The following SVIL variants were observed in gnomAD, a reference collection of about 807,000 sequenced individuals.
The protein encoded by SVIL is supervillin.
In SVIL, 101 loss-of-function variants were observed where a neutral mutation model predicts 240.4. That is an observed-to-expected ratio of 0.42 (90% CI 0.36 to 0.50). The LOEUF (loss-of-function observed/expected upper bound fraction) is 0.50, where lower values mean the gene tolerates loss of function less well. Ranked by LOEUF, SVIL falls within the 20% of genes least tolerant of loss-of-function variation. The pLI is 0.01. For synonymous variants in SVIL, 999 were observed against 1,100.0 expected (o/e 0.91, Z 1.82); for missense variants, 2,512 against 2,818.7 (o/e 0.89, Z 2.46).
intron 31 of SVIL, 41 bp downstream of exon 31, chr10:29,471,097 G>C (rs1341899267): frequency 6.4e-7 from 1 of 1,559,690 alleles, no homozygotes; most frequent in Non-Finnish European, 8.8e-7. Flanking sequence ...TTCCAAGAGA[G>C]GGAAAGGCAA....
chr10:29,691,643 A>G (rs1961518074), intron 1 of SVIL, among the ~76,000 whole-genome samples: 1 of 152,232 alleles, frequency 6.6e-6, no homozygotes, highest in Non-Finnish European at 1.5e-5. Flanking sequence ...TTTTTGACTC[A>G]GTCTTTCTGC....
At chr10:29,583,786 T>C (rs1956047063) in intron 1 of SVIL, among the ~76,000 whole-genome samples, 2 of 152,216 alleles carry the variant, frequency 1.3e-5, no homozygotes, top group African/African-American at 4.8e-5. Context: ...TGCAGGTGCC[T>C]TGGGGAGGTC....
At chr10:29,605,716 A>T (rs1175822144) in intron 1 of SVIL, among the ~76,000 whole-genome samples, 7 of 144,994 alleles carry the variant, frequency 4.8e-5, no homozygotes, top group African/African-American at 1.5e-4. Context: ...TATATATTCA[A>T]ATATATATAT....
At chr10:29,574,021 A>G (rs1369096437) in intron 1 of SVIL, among the ~76,000 whole-genome samples, 1 of 152,118 alleles carries the variant, frequency 6.6e-6, no homozygotes, top group Non-Finnish European at 1.5e-5. Flanking sequence ...TTTCAGGGAG[A>G]AGACGTTTTA....
At chr10:29,521,749 T>TTC (rs1950574243) in intron 16 of SVIL, among the ~76,000 whole-genome samples, 1 of 152,234 alleles carries the variant, frequency 6.6e-6, no homozygotes, top group Non-Finnish European at 1.5e-5. Context: ...TTACTTCCAG[T>TTC]TCTCTGTATC....
At chr10:29,592,163 A>G (rs1338456592) in intron 1 of SVIL, among the ~76,000 whole-genome samples, 2 of 152,100 alleles carry the variant, frequency 1.3e-5, no homozygotes, top group Admixed American at 6.5e-5. Context: ...GAGGTGGGAG[A>G]ATTGCTTGAA....
At chr10:29,670,724 G>A (rs915302992) in intron 2 of SVIL, among the ~76,000 whole-genome samples, 1 of 152,212 alleles carries the variant, frequency 6.6e-6, no homozygotes, top group Non-Finnish European at 1.5e-5. Context: ...ATGTAAAACG[G>A]TATGGAATTG....
At chr10:29,653,396 G>C (rs373918137) in intron 3 of SVIL, among the ~76,000 whole-genome samples, 14 of 152,158 alleles carry the variant, frequency 9.2e-5, no homozygotes, top group African/African-American at 2.9e-4. Context: ...TGAGGCCTCT[G>C]CAACCATGCT....
At chr10:29,509,745 G>A (rs1949688257) in intron 17 of SVIL, among the ~76,000 whole-genome samples, 1 of 152,138 alleles carries the variant, frequency 6.6e-6, no homozygotes, top group African/African-American at 2.4e-5. Flanking sequence ...AGCTACTCGG[G>A]AGGCTGAGGC....
intron 33 of SVIL, among the ~76,000 whole-genome samples, chr10:29,466,450 G>A (rs548207166): frequency 5.5e-4 from 83 of 152,258 alleles, no homozygotes; most frequent in African/African-American, 1.9e-3. Flanking sequence ...AATGAAACTT[G>A]GCCCGAGCTG....
chr10:29,577,048 T>A (rs997214970), intron 1 of SVIL, among the ~76,000 whole-genome samples: 1 of 151,998 alleles, frequency 6.6e-6, no homozygotes, highest in Non-Finnish European at 1.5e-5. Context: ...GCCCAGTTAA[T>A]TTTTGTATTT....
chr10:29,639,812 C>A (rs1958427844), upstream of SVIL, among the ~76,000 whole-genome samples: 1 of 152,126 alleles, frequency 6.6e-6, no homozygotes, highest in African/African-American at 2.4e-5. Flanking sequence ...ACAGTTCAGC[C>A]TTCCCAGAAG....
intron 1 of SVIL, among the ~76,000 whole-genome samples, chr10:29,722,800 T>G (rs1370511969): frequency 1.3e-5 from 2 of 152,238 alleles, no homozygotes; most frequent in Non-Finnish European, 2.9e-5. Flanking sequence ...CAGAATCCAC[T>G]GTTACACACA....
Position 29,550,746 on chromosome 10 carries a change from A to C in SVIL, c.678T>G (p.Ser226Arg). Reference sequence around the variant, plus strand: ...GCCCAGAGAAAGAGAAGGTCGAGGAACTCTCGGCTGCTGGGGACAGGTCAT... The same window carrying C: ...GCCCAGAGAAAGAGAAGGTCGAGGACCTCTCGGCTGCTGGGGACAGGTCAT... The part of the protein sequence containing the change: ...QAHDLSPAAE[S>R]SSTFSFSGRD... The change falls in exon 6 of 38, where the codon AGT becomes AGG. Residue 226 changes from serine to arginine, a missense_variant. By Grantham distance (110) the Ser-to-Arg change is moderately radical (BLOSUM62 -1). Coordinates refer to ENST00000355867, the MANE Select transcript of SVIL (RefSeq NM_021738.3). 1 of 1,613,880 alleles carries C rather than the reference A, an allele frequency of 6.2e-7. No homozygotes were observed. The highest frequency in any genetic ancestry group is 8.5e-7 in the Non-Finnish European group (1 of 1,179,964).
intron 1 of SVIL, among the ~76,000 whole-genome samples, chr10:29,702,542 TCA>T (rs1246413177): frequency 1.3e-4 from 20 of 152,178 alleles, no homozygotes; most frequent in Non-Finnish European, 1.6e-4. Flanking sequence ...TTAGCTCAGA[TCA>T]CACGTTCACG....
chr10:29,517,503 T>C (rs2132510269), intron 16 of SVIL, among the ~76,000 whole-genome samples: 1 of 152,316 alleles, frequency 6.6e-6, no homozygotes, highest in African/African-American at 2.4e-5. Flanking sequence ...TTCTTATTCC[T>C]ACATAAATCT....
At position 29,532,675 on chromosome 10, in the gene SVIL, G is replaced by GTCC. The variant is rs780677769; in HGVS notation, c.1689_1691dup (p.Lys563_Asp564insGlu). 11 of 1,614,210 alleles carry GTCC rather than the reference G, an allele frequency of 6.8e-6. No individual in the cohort carries two copies. In the East Asian group the frequency reaches 2.2e-4, roughly 33 times the overall value. On this transcript the variant is annotated inframe_insertion, in exon 8 of 38. Transcript: ENST00000355867. ...GCTCCAGCTCTCTCCTGGAAGCTGG[G>GTCC]TCCTTATACTTCAAGGCCTGGAGCT...
At chr10:29,460,609 G>C (rs529899901) in intron 36 of SVIL, among the ~76,000 whole-genome samples, 2 of 152,222 alleles carry the variant, frequency 1.3e-5, no homozygotes, top group South Asian at 2.1e-4. Context: ...CAACCATCAG[G>C]CATCTCCAAT....
In SVIL at chr10:29,506,746, C is replaced by T. The variant is rs28496820; in HGVS notation, c.3516+5989G>A. ...CTCTACGAAGGAGGGGACAGAGGCC[C>T]TAGAGGGAGGGGACAGAGGCCCTAG... On this transcript the variant is annotated intron_variant, in intron 17 of 37. Transcript: ENST00000355867. Among the ~76,000 whole-genome samples the T allele has an allele frequency of 1.8e-3, 257 of 142,870 alleles. 4 individuals carry two copies. The South Asian group carries it at 0.021, about 12-fold the overall frequency. The allele number at this position is 142,870 out of a possible 152,430, so 93.7% of individuals were successfully genotyped here.
Sources: gnomAD v4.1 joint callset for allele counts (sites outside exome capture counted in the v4.1 genomes callset) on GRCh38, gnomAD v4.1.1 for gene constraint, MANE v1.5 for transcripts, NCBI Gene and HGNC (gene_info 2026-07-23, HGNC 2026-07-21) for gene names.